The following TCF4 variants were observed in gnomAD, a reference collection of about 807,000 sequenced individuals.
TCF4 encodes transcription factor 4, also known as SL3-3 enhancer factor 2.
TCF4 carries 3 observed loss-of-function variants against 82.1 expected under a neutral mutation model. That is an observed-to-expected ratio of 0.04 (90% CI 0.02 to 0.09). The LOEUF (loss-of-function observed/expected upper bound fraction) is 0.09, where lower values mean the gene tolerates loss of function less well. TCF4 is among the 10% of genes least tolerant of loss of function. TCF4 has a pLI of 1.00. For synonymous variants in TCF4, 276 were observed against 309.6 expected, an observed-to-expected ratio of 0.89 and a Z score of 1.14; for missense variants, 518 against 852.7, an observed-to-expected ratio of 0.61 and a Z score of 4.89.
chr18:55,492,997 G>A (rs1244707417), intron 3 of TCF4, among the ~76,000 whole-genome samples: 2 of 152,086 alleles, frequency 1.3e-5, no homozygotes, highest in African/African-American at 2.4e-5. Flanking sequence ...AAAAGCCATC[G>A]ATAGAGCCAA....
At chr18:55,588,275 G>T, upstream of TCF4, 2 of 1,432,474 alleles carry the variant, frequency 1.4e-6, no homozygotes, top group Non-Finnish European at 1.8e-6. Flanking sequence ...GGGGGAGGGG[G>T]AAACACGCCG....
At chr18:55,600,048 G>C (rs888755285) in intron 2 of TCF4, among the ~76,000 whole-genome samples, 1 of 152,028 alleles carries the variant, frequency 6.6e-6, no homozygotes, top group South Asian at 2.1e-4. Flanking sequence ...GTAGGAGAAG[G>C]CTGTTTTTTT....
chr18:55,502,149 AG>A (rs1397012285), intron 3 of TCF4, among the ~76,000 whole-genome samples: 2 of 152,244 alleles, frequency 1.3e-5, no homozygotes, highest in Non-Finnish European at 2.9e-5. Context: ...TGGAATTTCC[AG>A]GAATGCATGA....
rs1344442583 is a variant in TCF4 at position 55,586,057 on chromosome 18, C to T, written c.73-705G>A. The T allele has an allele frequency of 2.8e-6, 4 of 1,410,030 alleles. No individual in the cohort carries two copies. In the African/African-American group the frequency reaches 4.2e-5, roughly 15 times the overall value. 87.3% of individuals were successfully genotyped at this position (1,410,030 alleles called of 1,614,324 possible). A position where few individuals can be genotyped will look rare whatever the true frequency, so the allele number is the denominator to read the frequency against. ...GAAAGGGGGCTGCAAAGCTGCCTGC[C>T]TAGGGCTACGTTTCCTGGCAAAACT... On this transcript the variant is annotated intron_variant, in intron 2 of 19. Transcript: ENST00000354452.
chr18:55,473,733 G>A (rs1432631312), intron 3 of TCF4, among the ~76,000 whole-genome samples: 1 of 152,174 alleles, frequency 6.6e-6, no homozygotes, highest in Non-Finnish European at 1.5e-5. Context: ...CAATGAGAAG[G>A]CTTAATTAAG....
At chr18:55,393,530 CG>C (rs993394122) in intron 6 of TCF4, among the ~76,000 whole-genome samples, 2 of 152,140 alleles carry the variant, frequency 1.3e-5, no homozygotes, top group Admixed American at 6.5e-5. Flanking sequence ...CAAGCCACAA[CG>C]TGAGTTATAA....
chr18:55,622,242 A>C (rs539019497), intron 2 of TCF4, among the ~76,000 whole-genome samples: 76 of 150,852 alleles, frequency 5.0e-4, no homozygotes, highest in East Asian at 3.9e-3. Flanking sequence ...GGAGTGGTGG[A>C]CCATGCCTGT....
rs375514012 is a variant in TCF4 at position 55,365,933 on chromosome 18, T to C, written c.370-14930A>G. ...AAAAACAACAACAACAAAAAAACTA[T>C]TTTTGTGTGGGACGAGCTAATTCTA... On this transcript the variant is annotated intron_variant, in intron 6 of 19. Coordinates refer to ENST00000354452, the MANE Select transcript of TCF4 (RefSeq NM_001083962.2). 1.7e-4 allele frequency among the ~76,000 whole-genome samples: 25 copies of C among 151,496 alleles called. No individual in the cohort carries two copies. The South Asian group carries it at 4.8e-3, about 29-fold the overall frequency.
intron 5 of TCF4, among the ~76,000 whole-genome samples, chr18:55,434,443 G>A: frequency 8.9e-6 from 1 of 112,900 alleles, no homozygotes; most frequent in South Asian, 3.1e-4. Context: ...TTTTTGAGAT[G>A]GAGTCTCGCT....
intron 8 of TCF4, among the ~76,000 whole-genome samples, chr18:55,290,785 C>T (rs1264056273): frequency 6.6e-5 from 10 of 152,004 alleles, no homozygotes; most frequent in Non-Finnish European, 1.5e-4. Flanking sequence ...GAAAGTCACA[C>T]TTTGAAGAGT....
At chr18:55,616,114 T>G (rs894146582) in intron 2 of TCF4, among the ~76,000 whole-genome samples, 3 of 152,100 alleles carry the variant, frequency 2.0e-5, no homozygotes, top group African/African-American at 4.8e-5. Context: ...TTTGCACCCA[T>G]TGAGCATCAG....
chr18:55,255,402 TAA>T (rs2056535332), intron 14 of TCF4, among the ~76,000 whole-genome samples: 1 of 152,160 alleles, frequency 6.6e-6, no homozygotes, highest in South Asian at 2.1e-4. Context: ...TGGGGGCATC[TAA>T]CTGAGTTCAA....
intron 8 of TCF4, among the ~76,000 whole-genome samples, chr18:55,314,529 G>C (rs755659257): frequency 6.7e-6 from 1 of 149,146 alleles, no homozygotes; most frequent in Non-Finnish European, 1.5e-5. Flanking sequence ...TGTTTTATTC[G>C]TTAGAAAAGC....
chr18:55,540,678 C>T (rs1436426651), intron 3 of TCF4, among the ~76,000 whole-genome samples: 1 of 151,946 alleles, frequency 6.6e-6, no homozygotes, highest in African/African-American at 2.4e-5. Flanking sequence ...AATATTAAGT[C>T]CCTACTCCAC....
chr18:55,531,055 G>A (rs994487093), intron 3 of TCF4, among the ~76,000 whole-genome samples: 2 of 151,946 alleles, frequency 1.3e-5, no homozygotes, highest in East Asian at 1.9e-4. Context: ...GGGTTCAAGC[G>A]ATTCTCCTGC....
intron 3 of TCF4, among the ~76,000 whole-genome samples, chr18:55,582,306 TA>T (rs2097583389): frequency 6.6e-6 from 1 of 152,130 alleles, no homozygotes; most frequent in Non-Finnish European, 1.5e-5. Flanking sequence ...TAACGGATAT[TA>T]AATCCCTTTG....
intron 5 of TCF4, among the ~76,000 whole-genome samples, chr18:55,418,275 C>T (rs1057401705): frequency 2.6e-5 from 4 of 151,940 alleles, no homozygotes; most frequent in Admixed American, 2.0e-4. Context: ...GATAACATTG[C>T]GTCAATGAGC....
chr18:55,455,545 AAAG>A (rs1369879009), intron 5 of TCF4, among the ~76,000 whole-genome samples: 3 of 151,490 alleles, frequency 2.0e-5, no homozygotes, highest in South Asian at 4.2e-4. Flanking sequence ...AAAAAAAAAA[AAAG>A]AAGCACACCA....
chr18:55,500,396 T>C (rs1408384024), intron 3 of TCF4, among the ~76,000 whole-genome samples: 1 of 151,964 alleles, frequency 6.6e-6, no homozygotes, highest in Non-Finnish European at 1.5e-5. Flanking sequence ...GAAAAGAAAT[T>C]TAAGTGTCCT....
Sources: allele counts gnomAD v4.1 joint callset (sites outside exome capture counted in the v4.1 genomes callset), GRCh38; gene constraint gnomAD v4.1.1; transcripts MANE v1.5; gene names NCBI Gene and HGNC (gene_info 2026-07-23, HGNC 2026-07-21).